PSMB3: variants seen among roughly 807,000 people sequenced by gnomAD.
PSMB3 encodes the protein proteasome subunit beta type-3.
Under a neutral mutation model 23.3 loss-of-function variants are expected in PSMB3, and 5 were observed. The ratio of observed to expected loss-of-function variants is 0.21; its 90% CI spans 0.11 to 0.45. The LOEUF is 0.45. PSMB3 is among the 20% of genes least tolerant of loss of function. PSMB3 has a pLI of 0.99. For missense variants in PSMB3, 192 were observed against 277.9 expected, an observed-to-expected ratio of 0.69 and a Z score of 2.20; for synonymous variants, 85 against 99.8, an observed-to-expected ratio of 0.85 and a Z score of 0.88.
In PSMB3 at chr17:38,752,844, T is replaced by G. The variant is rs1244906340; in HGVS notation, c.3+15T>G. On this transcript the variant is annotated intron_variant, in intron 1 of 5. Coordinates refer to ENST00000619426, the MANE Select transcript of PSMB3 (RefSeq NM_002795.4). This position sits in a 1 kb window ranked among gnomAD's most constrained non-coding sequence, Gnocchi z 5.5. ...CCGCAATCATGGTGAGATGGGGAGT[T>G]AAAGCAAAGGGGCATGGGGAAGGAT... 1 of 1,613,746 alleles carries G rather than the reference T, an allele frequency of 6.2e-7. No homozygotes were observed. Among genetic ancestry groups the G allele is most frequent in the South Asian group, 1.1e-5 (1 of 91,058 alleles).
Position 38,764,191 on chromosome 17 carries a change from TTTTC to T in PSMB3, c.*28_*31del. On this transcript the variant is annotated 3_prime_UTR_variant, in exon 6 of 6. Coordinates refer to ENST00000619426, the MANE Select transcript of PSMB3 (RefSeq NM_002795.4). ...AACCCTGTTCCCAGAGCCCACTTTT[TTTTC>T]TTTTTTTGAAATAAAATAGCCTGTC... 6.2e-7 allele frequency: 1 copy of T among 1,608,914 alleles called. No homozygotes were observed. Among genetic ancestry groups the T allele is most frequent in the Non-Finnish European group, 8.5e-7 (1 of 1,177,318 alleles).
intron 5 of PSMB3, 92 bp from the exon 6 acceptor site, chr17:38,764,027 C>CT (rs1220706212): frequency 6.7e-7 from 1 of 1,493,442 alleles, no homozygotes; most frequent in Non-Finnish European, 9.3e-7. Context: ...TGCCGCAGGG[C>CT]TTGAGGGCTT....
At chr17:38,762,014 G>T in intron 4 of PSMB3, 1 of 174,036 alleles carries the variant, frequency 5.7e-6, no homozygotes, top group Non-Finnish European at 1.2e-5. Flanking sequence ...GTTTGTGGTT[G>T]GACAGGTTGG....
Position 38,752,770 on chromosome 17 carries a change from T to A in PSMB3, c.-57T>A. 6.2e-7 allele frequency: 1 copy of A among 1,611,564 alleles called. No individual in the cohort carries two copies. The highest frequency in any genetic ancestry group is 8.5e-7 in the Non-Finnish European group (1 of 1,177,656). On this transcript the variant is annotated 5_prime_UTR_variant, in exon 1 of 6. Coordinates refer to ENST00000619426, the MANE Select transcript of PSMB3 (RefSeq NM_002795.4). This position sits in a 1 kb window ranked among gnomAD's most constrained non-coding sequence, Gnocchi z 5.5. Reference sequence around the variant, plus strand: ...GTGAGAGCGGTTGCGCAGTGAAGGCTAGACCCGGTTTACTGGAATTGCTCT... The same window carrying A: ...GTGAGAGCGGTTGCGCAGTGAAGGCAAGACCCGGTTTACTGGAATTGCTCT...
In PSMB3 at chr17:38,760,306, T is replaced by G. The variant is rs1908378626; in HGVS notation, c.297-125T>G. The G allele has an allele frequency of 2.9e-6, 3 of 1,030,160 alleles. No individual in the cohort carries two copies. In the South Asian group the frequency reaches 4.9e-5, roughly 17 times the overall value. 63.8% of individuals were successfully genotyped at this position (1,030,160 alleles called of 1,614,324 possible). On this transcript the variant is annotated intron_variant, in intron 3 of 5. Transcript: ENST00000619426. ...AGCTGGCCTCAGGGAAAGGTGATCT[T>G]CCTAAACAGGTCCTCCATTTCCCTT...
intron 4 of PSMB3, among the ~76,000 whole-genome samples, chr17:38,761,087 C>T (rs781436239): frequency 7.2e-5 from 11 of 152,010 alleles, no homozygotes; most frequent in Non-Finnish European, 1.2e-4. Context: ...CGGTGGCTCA[C>T]GCCTGTAATC....
intron 5 of PSMB3, among the ~76,000 whole-genome samples, chr17:38,763,179 C>T (rs1258643386): frequency 1.3e-5 from 2 of 152,016 alleles, no homozygotes; most frequent in African/African-American, 4.8e-5. Context: ...ATGGCGAAAC[C>T]CCGTTTCTAC....
At chr17:38,763,605 T>A (rs1474834683) in intron 5 of PSMB3, among the ~76,000 whole-genome samples, 2 of 147,008 alleles carry the variant, frequency 1.4e-5, no homozygotes, top group Non-Finnish European at 3.0e-5. Flanking sequence ...TGGGTTCAAG[T>A]GATTCTCCTG....
chr17:38,761,593 G>C (rs961955216), intron 4 of PSMB3, among the ~76,000 whole-genome samples: 1 of 152,154 alleles, frequency 6.6e-6, no homozygotes, highest in African/African-American at 2.4e-5. Context: ...TTGGGAAGAG[G>C]AGGAAAGAAA....
chr17:38,752,940 C>A lies in PSMB3; in HGVS notation c.3+111C>A. On this transcript the variant is annotated intron_variant, in intron 1 of 5. Transcript: ENST00000619426. This position sits in a 1 kb window ranked among gnomAD's most constrained non-coding sequence, Gnocchi z 5.5. Reference sequence around the variant, plus strand: ...TAGGGTCGATGGAAGGAAGCGGTTTCAGTTCGAGGGGAGCGGGCCCCGGTG... The same window carrying A: ...TAGGGTCGATGGAAGGAAGCGGTTTAAGTTCGAGGGGAGCGGGCCCCGGTG... The A allele has an allele frequency of 6.7e-7, 1 of 1,492,884 alleles. No individual in the cohort carries two copies. The highest frequency in any genetic ancestry group is 1.2e-5 in the South Asian group (1 of 83,710). 92.5% of individuals were successfully genotyped at this position (1,492,884 alleles called of 1,614,324 possible). A position where few individuals can be genotyped will look rare whatever the true frequency, so the allele number is the denominator to read the frequency against.
intron 2 of PSMB3, among the ~76,000 whole-genome samples, chr17:38,754,498 G>T (rs1908074202): frequency 6.6e-6 from 1 of 152,016 alleles, no homozygotes; most frequent in Admixed American, 6.6e-5. Context: ...AAGAATAAAA[G>T]AAAATGTTCT....
intron 5 of PSMB3, among the ~76,000 whole-genome samples, chr17:38,763,163 C>T (rs1908514781): frequency 6.6e-6 from 1 of 152,052 alleles, no homozygotes; most frequent in Non-Finnish European, 1.5e-5. Flanking sequence ...CTGAGACCAG[C>T]CTAACATGGC....
chr17:38,755,660 ATATATATAT>A (rs1208894233), intron 2 of PSMB3, among the ~76,000 whole-genome samples: 35 of 101,816 alleles, frequency 3.4e-4, no homozygotes, highest in Non-Finnish European at 4.6e-4. Context: ...AAAAAAAAAA[ATATATATAT>A]ATATATATAT....
Position 38,755,674 on chromosome 17 carries a change from A to ATGTGTGTG in PSMB3, c.189-208_189-207insGTGTGTGT, listed in dbSNP as rs1321711737. ...AAAAAAAAAAAATATATATATATAT[A>ATGTGTGTG]TATATATATGTGTGTGTGTGTGTGT... On this transcript the variant is annotated intron_variant, in intron 2 of 5. Coordinates refer to ENST00000619426, the MANE Select transcript of PSMB3 (RefSeq NM_002795.4). Among the ~76,000 whole-genome samples the ATGTGTGTG allele has an allele frequency of 5.2e-3, 471 of 91,204 alleles. 5 individuals are homozygous for ATGTGTGTG. Among genetic ancestry groups the ATGTGTGTG allele is most frequent in the Middle Eastern group, 0.017 (3 of 180 alleles). The allele number at this position is 91,204 out of a possible 152,430, so 59.8% of individuals were successfully genotyped here. A position where few individuals can be genotyped will look rare whatever the true frequency, so the allele number is the denominator to read the frequency against.
intron 5 of PSMB3, 30 bp from the exon 6 acceptor site, chr17:38,764,088 GA>G: frequency 6.2e-7 from 1 of 1,614,008 alleles, no homozygotes; most frequent in Non-Finnish European, 8.5e-7. Flanking sequence ...GATGGGTAGA[GA>G]TGTTTTCTTG....
chr17:38,761,806 C>T (rs999130402), intron 4 of PSMB3, among the ~76,000 whole-genome samples: 4 of 152,234 alleles, frequency 2.6e-5, no homozygotes, highest in Non-Finnish European at 4.4e-5. Context: ...TTTAGGTGGA[C>T]GTGACAGGCT....
At position 38,753,223 on chromosome 17, in the gene PSMB3, G is replaced by A. The variant is rs1226142599; in HGVS notation, c.77G>A (p.Arg26Lys). ...AACTGTGTGGCCATCGCTGCAGACA[G>A]GCGCTTCGGGATCCAGGCCCAGATG... ...GKNCVAIAAD[R>K]RFGIQAQMVT... The change falls in exon 2 of 6, where the codon AGG becomes AAG. Residue 26 changes from arginine (R) to lysine (K), a missense_variant. Arg to Lys is a conservative substitution (Grantham distance 26, BLOSUM62 2). Transcript: ENST00000619426. The A allele has an allele frequency of 1.2e-6, 2 of 1,614,250 alleles. No homozygotes were observed. The highest frequency in any genetic ancestry group is 1.7e-6 in the Non-Finnish European group (2 of 1,180,048).
At position 38,761,782 on chromosome 17, in the gene PSMB3, G is replaced by A. The variant is rs533292793; in HGVS notation, c.475-629G>A. Among the ~76,000 whole-genome samples, 9 of 152,336 alleles carry A rather than the reference G, an allele frequency of 5.9e-5. No homozygotes were observed. The South Asian group carries it at 1.9e-3, about 32-fold the overall frequency. Reference sequence around the variant, plus strand: ...CTCTGTCCTCTGCCATAGGAACCTAGGGAATCAGGTGCCTTTAGGTGGACG... The same window carrying A: ...CTCTGTCCTCTGCCATAGGAACCTAAGGAATCAGGTGCCTTTAGGTGGACG... On this transcript the variant is annotated intron_variant, in intron 4 of 5. Coordinates refer to ENST00000619426, the MANE Select transcript of PSMB3 (RefSeq NM_002795.4).
chr17:38,760,312 A>G, intron 3 of PSMB3, 119 bp from the exon 4 acceptor site: 2 of 1,100,078 alleles, frequency 1.8e-6, no homozygotes, highest in Non-Finnish European at 2.6e-6. Flanking sequence ...ATCTTCCTAA[A>G]CAGGTCCTCC....
Sources: allele counts gnomAD v4.1 joint callset (sites outside exome capture counted in the v4.1 genomes callset), GRCh38; gene constraint gnomAD v4.1.1; non-coding constraint Gnocchi (gnomAD v3.1); transcripts MANE v1.5; gene names NCBI Gene and HGNC (gene_info 2026-07-23, HGNC 2026-07-21).